Variants in PCDH7 observed in about 807,000 individuals in gnomAD.
PCDH7 encodes protocadherin 7, also known as protocadherin-7.
In PCDH7, 17 loss-of-function variants were observed where a neutral mutation model predicts 58.9. The observed-to-expected ratio is 0.29, with a 90% CI of 0.20 to 0.43. The LOEUF is 0.43. Among genes scored for constraint, PCDH7 ranks in the 20% least tolerant of loss-of-function variants. The pLI is 1.00. For missense variants in PCDH7, 1,274 were observed against 1,441.0 expected (o/e 0.88, Z 1.88); for synonymous variants, 664 against 616.4 (o/e 1.08, Z -1.14).
chr4:30,735,763 A>G (rs1716160549), downstream of PCDH7, among the ~76,000 whole-genome samples: 1 of 152,196 alleles, frequency 6.6e-6, no homozygotes, highest in Admixed American at 6.5e-5. Context: ...AGGATGTTCA[A>G]GCCTGACAAA....
chr4:30,836,453 C>T (rs1372556784), intron 1 of PCDH7, among the ~76,000 whole-genome samples: 2 of 152,080 alleles, frequency 1.3e-5, no homozygotes, highest in African/African-American at 4.8e-5. Flanking sequence ...TAAAATAAAG[C>T]AGTGTGGAAT....
intron 3 of PCDH7, among the ~76,000 whole-genome samples, chr4:31,011,194 A>G (rs1006663312): frequency 3.9e-5 from 6 of 152,050 alleles, no homozygotes; most frequent in South Asian, 2.1e-4. Context: ...TGTGGAATAT[A>G]TAGATAGATC....
At chr4:31,103,883 C>T (rs1715218231) in intron 3 of PCDH7, among the ~76,000 whole-genome samples, 1 of 152,162 alleles carries the variant, frequency 6.6e-6, no homozygotes, top group African/African-American at 2.4e-5. Flanking sequence ...CTTTTCTTTT[C>T]AAACCTTATT....
intron 3 of PCDH7, among the ~76,000 whole-genome samples, chr4:31,121,108 A>G (rs1268172166): frequency 2.6e-5 from 4 of 152,170 alleles, no homozygotes; most frequent in Non-Finnish European, 4.4e-5. Flanking sequence ...GTACATGTTC[A>G]TTATTCACAG....
intron 2 of PCDH7, among the ~76,000 whole-genome samples, chr4:30,941,514 C>A (rs1746038822): frequency 6.6e-6 from 1 of 151,832 alleles, no homozygotes; most frequent in Non-Finnish European, 1.5e-5. Flanking sequence ...TGTTGTTTGA[C>A]TTGGCAAAGT....
chr4:30,775,466 C>T (rs761095025), intron 1 of PCDH7, among the ~76,000 whole-genome samples: 7 of 152,060 alleles, frequency 4.6e-5, no homozygotes, highest in Non-Finnish European at 1.0e-4. Context: ...TTCAAGACAG[C>T]ATCACTGAAC....
intron 3 of PCDH7, among the ~76,000 whole-genome samples, chr4:31,085,716 A>G (rs1712321669): frequency 6.6e-6 from 1 of 152,168 alleles, no homozygotes; most frequent in Non-Finnish European, 1.5e-5. Context: ...TGTTTTCATC[A>G]ACTTTCCTAA....
At chr4:30,826,274 T>C (rs1440838404) in intron 1 of PCDH7, among the ~76,000 whole-genome samples, 1 of 152,156 alleles carries the variant, frequency 6.6e-6, no homozygotes, top group Non-Finnish European at 1.5e-5. Flanking sequence ...AGAAAGTCAG[T>C]GTATTTTGTC....
At chr4:30,725,400 C>T (rs1392617692) in intron 1 of PCDH7, 1 of 409,138 alleles carries the variant, frequency 2.4e-6, no homozygotes, top group African/African-American at 2.2e-5. Flanking sequence ...TTTTGGTATG[C>T]ATTATGATAT....
At chr4:31,039,046 C>T (rs1428262947) in intron 3 of PCDH7, among the ~76,000 whole-genome samples, 3 of 151,954 alleles carry the variant, frequency 2.0e-5, no homozygotes, top group Non-Finnish European at 4.4e-5. Context: ...CAAATATTAG[C>T]TATTATTAAT....
intron 1 of PCDH7, among the ~76,000 whole-genome samples, chr4:30,881,241 T>G (rs1314713625): frequency 6.6e-6 from 1 of 152,004 alleles, no homozygotes; most frequent in East Asian, 1.9e-4. Context: ...AGGAGTATTT[T>G]ACTTAAAAAC....
At chr4:31,135,828 A>C (rs1277292898) in intron 3 of PCDH7, among the ~76,000 whole-genome samples, 1 of 152,242 alleles carries the variant, frequency 6.6e-6, no homozygotes, top group Admixed American at 6.5e-5. Context: ...TTGTAAACTT[A>C]TGAAGGGGGA....
intron 1 of PCDH7, among the ~76,000 whole-genome samples, chr4:30,760,631 C>A (rs570961575): frequency 1.3e-5 from 2 of 152,126 alleles, no homozygotes; most frequent in African/African-American, 4.8e-5. Context: ...AGGAATACAG[C>A]TAACTAGGGA....
intron 3 of PCDH7, among the ~76,000 whole-genome samples, chr4:31,117,768 A>T (rs1307598099): frequency 2.0e-5 from 3 of 152,196 alleles, no homozygotes; most frequent in African/African-American, 7.2e-5. Context: ...TCCAATACTG[A>T]GTAATGACAC....
At chr4:30,896,014 A>G (rs1313838460) in intron 1 of PCDH7, among the ~76,000 whole-genome samples, 1 of 152,194 alleles carries the variant, frequency 6.6e-6, no homozygotes, top group Admixed American at 6.5e-5. Flanking sequence ...GTTCCATCCA[A>G]TCTTATAAGC....
chr4:30,872,139 T>C (rs1244644027), intron 1 of PCDH7, among the ~76,000 whole-genome samples: 1 of 152,082 alleles, frequency 6.6e-6, no homozygotes, highest in African/African-American at 2.4e-5. Context: ...ATAAATTGGG[T>C]TCCTCTGTTT....
chr4:31,109,661 C>T (rs1477365316), intron 3 of PCDH7, among the ~76,000 whole-genome samples: 1 of 152,230 alleles, frequency 6.6e-6, no homozygotes, highest in East Asian at 1.9e-4. Flanking sequence ...ATAACCATTT[C>T]ATGGGTTTAT....
chr4:31,080,976 A>G (rs1759452874), intron 3 of PCDH7, among the ~76,000 whole-genome samples: 1 of 152,172 alleles, frequency 6.6e-6, no homozygotes, highest in Admixed American at 6.5e-5. Context: ...GCCATGTAAG[A>G]CATGCCTTTC....
chr4:31,065,562 G>A (rs1758013974), intron 3 of PCDH7, among the ~76,000 whole-genome samples: 1 of 151,800 alleles, frequency 6.6e-6, no homozygotes, highest in African/African-American at 2.4e-5. Context: ...CTGTTGGTTA[G>A]AACTTTAAAA....
Sources: allele counts gnomAD v4.1 joint callset (sites outside exome capture counted in the v4.1 genomes callset), GRCh38; gene constraint gnomAD v4.1.1; transcripts MANE v1.5; gene names NCBI Gene and HGNC (gene_info 2026-07-23, HGNC 2026-07-21).